Variants in BRD10 observed in about 807,000 individuals in gnomAD.
BRD10 encodes uncharacterized bromodomain-containing protein 10.
At chr9:5,911,412 T>G in the BRD10 span, among the ~76,000 whole-genome samples, 1 of 151,638 alleles carries the variant, frequency 6.6e-6, no homozygotes, top group Non-Finnish European at 1.5e-5. Flanking sequence ...TGTGTTTTTT[T>G]TTTTTTTTTT....
the BRD10 span, among the ~76,000 whole-genome samples, chr9:5,994,464 T>G: frequency 1.3e-5 from 2 of 152,164 alleles, no homozygotes; most frequent in African/African-American, 4.8e-5. Flanking sequence ...TAAAGACCAT[T>G]AAACTTACTT....
At chr9:5,971,251 CAGAT>C in the BRD10 span, among the ~76,000 whole-genome samples, 5 of 151,974 alleles carry the variant, frequency 3.3e-5, no homozygotes, top group African/African-American at 9.7e-5. Context: ...ACACAAAAGA[CAGAT>C]AGTAGTAACA....
At chr9:5,950,902 A>G in the BRD10 span, among the ~76,000 whole-genome samples, 3 of 152,154 alleles carry the variant, frequency 2.0e-5, no homozygotes, top group Admixed American at 6.5e-5. Context: ...AATTGTTGTT[A>G]TATCATATTG....
At chr9:5,901,138 AAAAG>A in the BRD10 span, among the ~76,000 whole-genome samples, 2 of 152,224 alleles carry the variant, frequency 1.3e-5, no homozygotes, top group African/African-American at 4.8e-5. Context: ...GCTTAAAAAA[AAAAG>A]AAAAAGAAAA....
the BRD10 span, among the ~76,000 whole-genome samples, chr9:5,998,772 T>C: frequency 6.6e-6 from 1 of 152,034 alleles, no homozygotes; most frequent in Non-Finnish European, 1.5e-5. Context: ...ATTAAGAGCT[T>C]TGACTTAAAT....
At chr9:5,967,679 T>C in the BRD10 span, among the ~76,000 whole-genome samples, 17 of 132,954 alleles carry the variant, frequency 1.3e-4, no homozygotes, top group Non-Finnish European at 2.2e-4. Context: ...TACTACACTG[T>C]ACTGCCCTTA....
the BRD10 span, among the ~76,000 whole-genome samples, chr9:6,002,311 T>G: frequency 6.6e-6 from 1 of 152,220 alleles, no homozygotes; most frequent in Non-Finnish European, 1.5e-5. Context: ...ATAACACTAT[T>G]TTTTAAAGAA....
At chr9:5,962,924 TA>T in the BRD10 span, among the ~76,000 whole-genome samples, 1 of 126,502 alleles carries the variant, frequency 7.9e-6, no homozygotes, top group Admixed American at 8.6e-5. Flanking sequence ...TAATAAGAGC[TA>T]TCTATGACAA....
the BRD10 span, among the ~76,000 whole-genome samples, chr9:5,941,403 T>C: frequency 6.6e-6 from 1 of 152,168 alleles, no homozygotes; most frequent in Non-Finnish European, 1.5e-5. Context: ...TAAATAATGA[T>C]GAGAAAGCAA....
chr9:5,976,992 C>G, the BRD10 span, among the ~76,000 whole-genome samples: 1 of 152,042 alleles, frequency 6.6e-6, no homozygotes, highest in African/African-American at 2.4e-5. Context: ...CAACTTTTGG[C>G]CAATATAAAG....
the BRD10 span, among the ~76,000 whole-genome samples, chr9:5,997,406 A>G: frequency 1.2e-4 from 18 of 150,032 alleles, no homozygotes; most frequent in South Asian, 1.1e-3. Flanking sequence ...TAAAAGCCAC[A>G]TATCTAATGG....
the BRD10 span, among the ~76,000 whole-genome samples, chr9:5,950,005 T>C: frequency 6.6e-6 from 1 of 152,202 alleles, no homozygotes; most frequent in Non-Finnish European, 1.5e-5. Flanking sequence ...ATTCTATAAT[T>C]ATCACTAAAA....
At chr9:5,922,998 G>C in the BRD10 span, 5 of 1,613,986 alleles carry the variant, frequency 3.1e-6, no homozygotes, top group Admixed American at 6.7e-5. Context: ...GTCCCTTTCT[G>C]GAGAGTAGAC....
the BRD10 span, among the ~76,000 whole-genome samples, chr9:5,956,958 A>T: frequency 6.6e-6 from 1 of 152,090 alleles, no homozygotes; most frequent in Admixed American, 6.5e-5. Context: ...TGTCACCAAC[A>T]GTCTAGGGGG....
chr9:5,883,359 T>C, the BRD10 span, among the ~76,000 whole-genome samples: 1 of 151,964 alleles, frequency 6.6e-6, no homozygotes, highest in African/African-American at 2.4e-5. Flanking sequence ...AAGATGAACA[T>C]GAACAAAGCT....
chr9:6,003,113 G>A, the BRD10 span, among the ~76,000 whole-genome samples: 2 of 152,068 alleles, frequency 1.3e-5, no homozygotes. Flanking sequence ...TTTTTTAACA[G>A]TAACAATATG....
chr9:5,975,546 G>A, the BRD10 span, among the ~76,000 whole-genome samples: 1 of 150,214 alleles, frequency 6.7e-6, no homozygotes, highest in South Asian at 2.1e-4. Context: ...AGACATGAGA[G>A]ATATAAAGAA....
the BRD10 span, chr9:5,897,670 C>A: frequency 6.3e-7 from 1 of 1,597,066 alleles, no homozygotes; most frequent in Non-Finnish European, 8.6e-7. Context: ...AAAGTTCCCA[C>A]TGCTGAAATC....
the BRD10 span, chr9:5,923,104 A>G: frequency 6.2e-7 from 1 of 1,613,850 alleles, no homozygotes; most frequent in African/African-American, 1.3e-5. Context: ...CACTTTCTAG[A>G]TTCTCAACTG....
Sources: allele counts gnomAD v4.1 joint callset (sites outside exome capture counted in the v4.1 genomes callset), GRCh38; gene constraint gnomAD v4.1.1; transcripts MANE v1.5; gene names NCBI Gene and HGNC (gene_info 2026-07-23, HGNC 2026-07-21).